MYO3B: variants seen among roughly 807,000 people sequenced by gnomAD.
MYO3B encodes myosin-IIIb.
In MYO3B, 156 loss-of-function variants were observed where a neutral mutation model predicts 174.6. That is an observed-to-expected ratio of 0.89 (90% CI 0.78 to 1.02). The LOEUF (loss-of-function observed/expected upper bound fraction) is 1.02. Among genes scored for constraint, MYO3B ranks in the 50% least tolerant of loss-of-function variants. The pLI is 0.00. For synonymous variants in MYO3B, 563 were observed against 569.1 expected (o/e 0.99, Z 0.15); for missense variants, 1,632 against 1,639.4 (o/e 1.00, Z 0.08).
chr2:170,501,933 A>G (rs192267857), intron 28 of MYO3B, 68 bp downstream of exon 28: 76 of 1,107,476 alleles, frequency 6.9e-5, no homozygotes, highest in Middle Eastern at 2.2e-4. Context: ...GTGAATGTAG[A>G]AAAGCTGAAA....
intron 8 of MYO3B, chr2:170,344,648 C>T (rs1296498212): frequency 6.6e-6 from 1 of 152,102 alleles, no homozygotes; most frequent in African/African-American, 2.4e-5. Context: ...GGGAGAGTGT[C>T]TGGACAGGAA....
At chr2:170,259,881 T>C (rs890484531) in intron 7 of MYO3B, among the ~76,000 whole-genome samples, 2 of 150,646 alleles carry the variant, frequency 1.3e-5, no homozygotes, top group Admixed American at 6.6e-5. Flanking sequence ...AAAAAACATA[T>C]AACCCCCTTA....
intron 32 of MYO3B, among the ~76,000 whole-genome samples, chr2:170,629,339 G>C (rs778812821): frequency 3.3e-5 from 5 of 152,162 alleles, no homozygotes; most frequent in Non-Finnish European, 5.9e-5. Context: ...TGGTGAGGCT[G>C]TATCTGAGGC....
At chr2:170,390,988 C>A (rs1032395209) in intron 14 of MYO3B, among the ~76,000 whole-genome samples, 1 of 152,044 alleles carries the variant, frequency 6.6e-6, no homozygotes, top group African/African-American at 2.4e-5. Flanking sequence ...CCAGGGTAGC[C>A]TAAAAGAGGT....
intron 30 of MYO3B, among the ~76,000 whole-genome samples, chr2:170,540,939 G>T (rs568392602): frequency 6.6e-6 from 1 of 152,154 alleles, no homozygotes; most frequent in African/African-American, 2.4e-5. Context: ...AACCTGGCTT[G>T]TAGGCTAATC....
In MYO3B at chr2:170,372,118, C is replaced by CAAAAAAAAAAA. The variant is rs769243145; in HGVS notation, c.971+2758_971+2768dup. On this transcript the variant is annotated intron_variant, in intron 9 of 34. Transcript: ENST00000408978. ...TGGGCAACAGAGTGAGACCCTGTCTCAAAAAAAAAAAAAAAAAAAAAAAAA... is the reference window on the plus strand; with the variant it reads ...TGGGCAACAGAGTGAGACCCTGTCTCAAAAAAAAAAAAAAAAAAAAAAAAAAAAAAAAAAAA... Among the ~76,000 whole-genome samples the CAAAAAAAAAAA allele has an allele frequency of 3.2e-3, 70 of 22,188 alleles. 5 individuals are homozygous for CAAAAAAAAAAA. The East Asian group carries it at 0.032, about 10-fold the overall frequency. The allele number at this position is 22,188 out of a possible 152,430, so 14.6% of individuals were successfully genotyped here. A position where few individuals can be genotyped will look rare whatever the true frequency, so the allele number is the denominator to read the frequency against.
At chr2:170,649,369 AAAATAT>A (rs1290365489) in intron 32 of MYO3B, among the ~76,000 whole-genome samples, 6 of 99,752 alleles carry the variant, frequency 6.0e-5, no homozygotes, top group African/African-American at 2.3e-4. Context: ...ATATTATATA[AAAATAT>A]AAATATATTA....
At chr2:170,492,241 T>C (rs11895735) in intron 25 of MYO3B, among the ~76,000 whole-genome samples, 100,185 of 152,022 alleles carry the variant, frequency 0.66, 33,270 homozygotes, top group East Asian at 0.75. Context: ...GCACTGTTCC[T>C]TCTAATCCTC....
At chr2:170,519,654 T>C (rs1688540657) in intron 30 of MYO3B, 114 bp downstream of exon 30, 2 of 944,608 alleles carry the variant, frequency 2.1e-6, no homozygotes, top group African/African-American at 3.2e-5. Context: ...GGTATTTTGG[T>C]GAACTGGAGA....
intron 32 of MYO3B, among the ~76,000 whole-genome samples, chr2:170,571,583 A>G (rs985177823): frequency 6.6e-6 from 1 of 152,216 alleles, no homozygotes; most frequent in African/African-American, 2.4e-5. Flanking sequence ...AGAAGATTAT[A>G]CTGTCTACCA....
At chr2:170,183,595 A>G (rs980241651) in intron 1 of MYO3B, among the ~76,000 whole-genome samples, 1 of 152,124 alleles carries the variant, frequency 6.6e-6, no homozygotes, top group Non-Finnish European at 1.5e-5. Context: ...TTTCATTGTT[A>G]AACTTTGATT....
At chr2:170,261,272 G>A (rs556949398) in intron 7 of MYO3B, among the ~76,000 whole-genome samples, 13 of 152,116 alleles carry the variant, frequency 8.5e-5, no homozygotes, top group African/African-American at 1.2e-4. Flanking sequence ...GATCCCACCC[G>A]CCTCAGCCTC....
At chr2:170,629,841 C>CTCTA (rs1491389189) in intron 32 of MYO3B, among the ~76,000 whole-genome samples, 19 of 152,180 alleles carry the variant, frequency 1.2e-4, no homozygotes, top group South Asian at 2.1e-4. Context: ...CAGAGCGAGA[C>CTCTA]TCTATCTAAA....
chr2:170,252,733 G>A (rs760608396), intron 7 of MYO3B, among the ~76,000 whole-genome samples: 3 of 152,170 alleles, frequency 2.0e-5, no homozygotes, highest in Non-Finnish European at 4.4e-5. Context: ...AGTTGGGGTG[G>A]GGTTTGTTAT....
intron 7 of MYO3B, among the ~76,000 whole-genome samples, chr2:170,249,628 G>A (rs549729994): frequency 1.3e-5 from 2 of 152,302 alleles, no homozygotes; most frequent in African/African-American, 4.8e-5. Context: ...CTATTACTAA[G>A]TATAAAGATG....
At chr2:170,242,708 G>A (rs576468947) in intron 7 of MYO3B, among the ~76,000 whole-genome samples, 10 of 152,286 alleles carry the variant, frequency 6.6e-5, no homozygotes, top group African/African-American at 1.9e-4. Flanking sequence ...CAGGCCAAAG[G>A]TGCGAGGGGT....
chr2:170,641,859 G>T lies in MYO3B; in HGVS notation c.3734-9769G>T, dbSNP rs1218525758. 1.0e-3 allele frequency among the ~76,000 whole-genome samples: 44 copies of T among 41,916 alleles called. 1 individual carries two copies. The highest frequency in any genetic ancestry group is 1.8e-3 in the Non-Finnish European group (37 of 20,112). 27.5% of individuals were successfully genotyped at this position (41,916 alleles called of 152,430 possible). On this transcript the variant is annotated intron_variant, in intron 32 of 34. Coordinates refer to ENST00000408978, the MANE Select transcript of MYO3B (RefSeq NM_138995.5). The stretch of plus-strand genomic sequence containing the variant: ...AATATTTATGACTTTATTGTTAAGT[G>T]GGGGGGGGGGGGGAGGGGCGGGGAG...
chr2:170,212,265 TG>T (rs1559302923), intron 3 of MYO3B, among the ~76,000 whole-genome samples: 1 of 144,852 alleles, frequency 6.9e-6, no homozygotes, highest in Non-Finnish European at 1.5e-5. Flanking sequence ...AAAAAAAGTC[TG>T]GGGGAAGAAT....
intron 1 of MYO3B, among the ~76,000 whole-genome samples, chr2:170,186,994 A>G (rs1192840020): frequency 1.4e-5 from 2 of 143,744 alleles, no homozygotes; most frequent in African/African-American, 5.2e-5. Context: ...GATTATATTT[A>G]TTTGAGTTGT....
Sources: gnomAD v4.1 joint callset for allele counts (sites outside exome capture counted in the v4.1 genomes callset) on GRCh38, gnomAD v4.1.1 for gene constraint, MANE v1.5 for transcripts, NCBI Gene and HGNC (gene_info 2026-07-23, HGNC 2026-07-21) for gene names.